Variants in GBF1 observed in about 807,000 individuals in gnomAD.
GBF1 encodes the protein golgi brefeldin A resistant guanine nucleotide exchange factor 1.
GBF1 carries 114 observed loss-of-function variants against 210.5 expected under a neutral mutation model. That is an observed-to-expected ratio of 0.54 (90% CI 0.47 to 0.63). The LOEUF is 0.63. Ranked by LOEUF, GBF1 falls within the 30% of genes least tolerant of loss-of-function variation. The pLI, the probability that GBF1 is intolerant of heterozygous loss-of-function variation, is 0.00. For synonymous variants in GBF1, 850 were observed against 889.2 expected, an observed-to-expected ratio of 0.96 and a Z score of 0.78; for missense variants, 1,851 against 2,357.7, an observed-to-expected ratio of 0.79 and a Z score of 4.45.
intron 3 of GBF1, among the ~76,000 whole-genome samples, chr10:102,268,294 C>G (rs2479553): frequency 1 from 151,753 of 152,326 alleles, 75,599 homozygotes; most frequent in Middle Eastern, 1. Flanking sequence ...GAACTAGTTT[C>G]CTGGCTGTTG....
chr10:102,304,599 C>T (rs1273808416), intron 3 of GBF1, among the ~76,000 whole-genome samples: 1 of 150,430 alleles, frequency 6.6e-6, no homozygotes, highest in Non-Finnish European at 1.5e-5. Flanking sequence ...ACAGTGAAAC[C>T]CCATCTCTAC....
chr10:102,243,667 T>C (rs907906466), upstream of GBF1, among the ~76,000 whole-genome samples: 2 of 152,202 alleles, frequency 1.3e-5, no homozygotes, highest in Non-Finnish European at 2.9e-5. Context: ...GAAAATGGCT[T>C]TGAGGTAATG....
intron 10 of GBF1, 123 bp downstream of exon 10, chr10:102,358,852 G>A (rs950573774): frequency 4.0e-5 from 26 of 650,588 alleles, no homozygotes; most frequent in African/African-American, 3.3e-4. Flanking sequence ...AAGAAGCTCT[G>A]ATCTTTCCTG....
chr10:102,308,794 G>A (rs1364549770), intron 3 of GBF1, among the ~76,000 whole-genome samples: 80 of 147,236 alleles, frequency 5.4e-4, no homozygotes, highest in South Asian at 6.5e-4. Flanking sequence ...GTTAATGGGT[G>A]CAGCACACCA....
intron 30 of GBF1, among the ~76,000 whole-genome samples, chr10:102,376,038 AG>A (rs558085953): frequency 7.9e-5 from 12 of 151,858 alleles, no homozygotes; most frequent in Non-Finnish European, 1.8e-4. Flanking sequence ...CACTCCCTAG[AG>A]TGGTGCTACA....
At chr10:102,320,909 C>T (rs1354816891) in intron 3 of GBF1, among the ~76,000 whole-genome samples, 2 of 151,808 alleles carry the variant, frequency 1.3e-5, no homozygotes, top group Non-Finnish European at 2.9e-5. Context: ...GATTCTCAAG[C>T]GTCAGCCTCC....
chr10:102,376,850 A>C (rs1436232124), intron 32 of GBF1, 50 bp downstream of exon 32: 1 of 1,609,936 alleles, frequency 6.2e-7, no homozygotes, highest in East Asian at 2.2e-5. Context: ...GCAATTATGC[A>C]GGGGAGAGGC....
the GBF1 span, among the ~76,000 whole-genome samples, chr10:102,235,913 C>G: frequency 6.6e-6 from 1 of 152,216 alleles, no homozygotes; most frequent in Non-Finnish European, 1.5e-5. Context: ...GTAACCCAAG[C>G]TGGGAGCCAC....
chr10:102,365,029 AAGCT>A (rs925126799), intron 17 of GBF1, among the ~76,000 whole-genome samples: 1 of 152,182 alleles, frequency 6.6e-6, no homozygotes, highest in Non-Finnish European at 1.5e-5. Flanking sequence ...CAAAGAAGCT[AAGCT>A]AGGCTAAAAA....
At chr10:102,321,707 C>A (rs2056415164) in intron 3 of GBF1, among the ~76,000 whole-genome samples, 1 of 152,030 alleles carries the variant, frequency 6.6e-6, no homozygotes, top group South Asian at 2.1e-4. Context: ...GTAGCTGGGA[C>A]CACAGGTGTG....
intron 3 of GBF1, among the ~76,000 whole-genome samples, chr10:102,327,354 C>A (rs938773832): frequency 2.0e-5 from 3 of 152,150 alleles, no homozygotes; most frequent in Non-Finnish European, 4.4e-5. Context: ...AGAACTGTTT[C>A]TTTTAAAGTT....
rs758836892 is a variant in GBF1 at position 102,245,578 on chromosome 10, C to G, written c.-214C>G. On this transcript the variant is annotated 5_prime_UTR_variant, in exon 1 of 40. Transcript: ENST00000369983. ...ACAGGGAAGGTACCCGGCTCTACTGCCCGTCCCGGACGACTCATCCTGGCG... is the reference window on the plus strand; with the variant it reads ...ACAGGGAAGGTACCCGGCTCTACTGGCCGTCCCGGACGACTCATCCTGGCG... 6.6e-6 allele frequency: 1 copy of G among 152,226 alleles called. No individual in the cohort carries two copies. Among genetic ancestry groups the G allele is most frequent in the Non-Finnish European group, 1.5e-5 (1 of 68,066 alleles). 9.4% of individuals were successfully genotyped at this position (152,226 alleles called of 1,614,324 possible).
the GBF1 span, among the ~76,000 whole-genome samples, chr10:102,232,420 C>T: frequency 4.0e-4 from 61 of 152,324 alleles, no homozygotes; most frequent in African/African-American, 9.1e-4. Context: ...CAGTGGCTCA[C>T]GCCTGTAATC....
chr10:102,354,886 G>A (rs2059201764), intron 8 of GBF1, among the ~76,000 whole-genome samples: 1 of 151,878 alleles, frequency 6.6e-6, no homozygotes, highest in Non-Finnish European at 1.5e-5. Flanking sequence ...GGGTTTGGAG[G>A]GAAAGGGTAG....
intron 3 of GBF1, among the ~76,000 whole-genome samples, chr10:102,327,931 C>G (rs888912638): frequency 6.6e-6 from 1 of 152,182 alleles, no homozygotes; most frequent in African/African-American, 2.4e-5. Flanking sequence ...GATTGCTCCT[C>G]CAGATTCAGC....
intron 30 of GBF1, 144 bp downstream of exon 30, chr10:102,375,728 C>T (rs1475371166): frequency 6.4e-6 from 4 of 626,040 alleles, no homozygotes; most frequent in Non-Finnish European, 1.1e-5. Flanking sequence ...CTTCCAGTGC[C>T]CGCTGGCTAG....
At chr10:102,242,773 C>CA (rs533518731), upstream of GBF1, among the ~76,000 whole-genome samples, 274 of 152,012 alleles carry the variant, frequency 1.8e-3, 1 homozygote, top group African/African-American at 6.0e-3. Flanking sequence ...CTAAAAAATA[C>CA]AAAAAATTAG....
intron 11 of GBF1, 29 bp from the exon 12 acceptor site, chr10:102,360,155 A>C: frequency 3.0e-6 from 4 of 1,352,324 alleles, no homozygotes; most frequent in East Asian, 2.3e-5. Flanking sequence ...GTTTTATAGC[A>C]GTCTCACTCT....
At chr10:102,368,524 T>G in intron 22 of GBF1, 70 bp downstream of exon 22, 3 of 963,808 alleles carry the variant, frequency 3.1e-6, no homozygotes, top group South Asian at 1.3e-5. Context: ...TCTCCATGCC[T>G]CTCTGACTCC....
Sources: allele counts gnomAD v4.1 joint callset (sites outside exome capture counted in the v4.1 genomes callset), GRCh38; gene constraint gnomAD v4.1.1; transcripts MANE v1.5; gene names NCBI Gene and HGNC (gene_info 2026-07-23, HGNC 2026-07-21).